The following TRARG1 variants were observed in gnomAD, a reference collection of about 807,000 sequenced individuals.
TRARG1 encodes the protein trafficking regulator of GLUT4 (SLC2A4) 1 (gene/pseudogene).
Under a neutral mutation model 13.3 loss-of-function variants are expected in TRARG1, and 16 were observed. That is an observed-to-expected ratio of 1.20 (90% confidence interval 0.81 to 1.83). The LOEUF is 1.83. Among genes scored for constraint, TRARG1 ranks in the 40% most tolerant of loss-of-function variants. TRARG1 has a pLI of 0.00. For synonymous variants in TRARG1, 113 were observed against 106.2 expected (o/e 1.06, Z -0.39); for missense variants, 250 against 237.4 (o/e 1.05, Z -0.35).
At position 1,280,276 on chromosome 17, in the gene TRARG1, C is replaced by A; in HGVS notation, c.275C>A (p.Thr92Asn). The change falls in exon 1 of 3, where the codon ACC becomes AAC. Residue 92 changes from threonine (T) to asparagine (N), a missense_variant. Thr to Asn is a moderately conservative substitution (Grantham distance 65, BLOSUM62 0). Transcript: ENST00000333813. ...AGGAGGGCGTCCTCCATCGCCACCA[C>A]CTCCTATGCCCAAGACCAAGAAGCC... ...SSRRASSIAT[T>N]SYAQDQEAPR... The A allele has an allele frequency of 6.2e-7, 1 of 1,614,102 alleles. No homozygotes were observed. Among genetic ancestry groups the A allele is most frequent in the Non-Finnish European group, 8.5e-7 (1 of 1,180,010 alleles).
chr17:1,295,685 G>A, intron 2 of TRARG1, 62 bp downstream of exon 2: 3 of 1,525,042 alleles, frequency 2.0e-6, no homozygotes, highest in South Asian at 2.5e-5. Flanking sequence ...CTGCTCAAGG[G>A]TGTACCCAGC....
At position 1,300,907 on chromosome 17, in the gene TRARG1, A is replaced by C. The variant is rs545075673; in HGVS notation, c.*2643A>C. 6.6e-6 allele frequency: 1 copy of C among 151,632 alleles called. No individual in the cohort carries two copies. Among genetic ancestry groups the C allele is most frequent in the African/African-American group, 2.4e-5 (1 of 41,210 alleles). 9.4% of individuals were successfully genotyped at this position (151,632 alleles called of 1,614,324 possible). On this transcript the variant is annotated 3_prime_UTR_variant, in exon 3 of 3. Transcript: ENST00000333813. ...CACAGGGAGTAGCAAGACCCACCCC[A>C]CACTGCCTTCACCATCTACACCAGT...
At chr17:1,297,494 A>G (rs4790832) in intron 2 of TRARG1, among the ~76,000 whole-genome samples, 150,732 of 152,128 alleles carry the variant, frequency 0.99, 74,679 homozygotes, top group East Asian at 1. Flanking sequence ...ATGCAGGTAC[A>G]TGCAAGGCAG....
At chr17:1,282,714 G>A (rs1246488380) in intron 1 of TRARG1, among the ~76,000 whole-genome samples, 2 of 151,496 alleles carry the variant, frequency 1.3e-5, no homozygotes, top group African/African-American at 2.4e-5. Flanking sequence ...ATTTGAAACG[G>A]AGCCTCGCTC....
At position 1,288,211 on chromosome 17, in the gene TRARG1, G is replaced by A. The variant is rs558764210; in HGVS notation, c.388-7280G>A. ...CTGAGCTCCTAAGAGCTGCCTCCAC[G>A]TGCTGTCTGAGCTTCATCCCCCACC... On this transcript the variant is annotated intron_variant, in intron 1 of 2. Transcript: ENST00000333813. Among the ~76,000 whole-genome samples the A allele has an allele frequency of 1.6e-4, 25 of 151,782 alleles. 1 individual carries two copies. The highest frequency in any genetic ancestry group is 2.1e-4 in the South Asian group (1 of 4,818).
chr17:1,298,208 G>A lies in TRARG1; in HGVS notation c.521-43G>A, dbSNP rs761763066. On this transcript the variant is annotated intron_variant, in intron 2 of 2. Coordinates refer to ENST00000333813, the MANE Select transcript of TRARG1 (RefSeq NM_172367.3). Reference sequence around the variant, plus strand: ...CCAGTCAGGGACTTGAAGAGCCAGTGTTCTGAGCCCTGTTCTGCCATATCT... The same window carrying A: ...CCAGTCAGGGACTTGAAGAGCCAGTATTCTGAGCCCTGTTCTGCCATATCT... 32 of 1,613,170 alleles carry A rather than the reference G, an allele frequency of 2.0e-5. No individual in the cohort carries two copies. The African/African-American group carries it at 3.9e-4, about 20-fold the overall frequency.
intron 1 of TRARG1, among the ~76,000 whole-genome samples, chr17:1,281,381 G>T (rs1447989525): frequency 1.3e-5 from 2 of 151,358 alleles, no homozygotes; most frequent in African/African-American, 4.9e-5. Flanking sequence ...GTGGAGGGGG[G>T]TTCCCAAGAG....
At chr17:1,288,396 C>T (rs1479820066) in intron 1 of TRARG1, among the ~76,000 whole-genome samples, 1 of 127,472 alleles carries the variant, frequency 7.8e-6, no homozygotes, top group Non-Finnish European at 1.7e-5. Context: ...CCTCATCCCC[C>T]ACAGGTTCCC....
chr17:1,283,929 G>A (rs1335449555), intron 1 of TRARG1, among the ~76,000 whole-genome samples: 2 of 151,892 alleles, frequency 1.3e-5, no homozygotes, highest in Non-Finnish European at 2.9e-5. Flanking sequence ...TGGCTAACAC[G>A]GTGAATCCCC....
At chr17:1,291,320 A>G (rs967884593) in intron 1 of TRARG1, among the ~76,000 whole-genome samples, 69 of 152,206 alleles carry the variant, frequency 4.5e-4, no homozygotes, top group African/African-American at 1.6e-3. Flanking sequence ...CATGTTGGCC[A>G]GGCTGGTCTT....
chr17:1,286,518 G>A (rs1461214082), intron 1 of TRARG1, among the ~76,000 whole-genome samples: 32 of 143,068 alleles, frequency 2.2e-4, no homozygotes, highest in Non-Finnish European at 4.1e-4. Flanking sequence ...GGGTGTTATC[G>A]GCCTGTGGGG....
intron 1 of TRARG1, 32 bp downstream of exon 1, chr17:1,280,420 G>GCAGGGT (rs772986098): frequency 8.5e-6 from 13 of 1,538,100 alleles, no homozygotes; most frequent in Non-Finnish European, 1.1e-5. Flanking sequence ...AGGGGCAGGG[G>GCAGGGT]CTGGGCCCAG....
chr17:1,280,237 C>T lies in TRARG1; in HGVS notation c.236C>T (p.Ser79Phe), dbSNP rs772183424. ...GAGGCCCCACTGCCTCGGTCCCCCT[C>T]CCGGGCCAGCTCAAGGAGGGCGTCC... ...HLEAPLPRSP[S>F]RASSRRASSI... Residue 79 changes from serine (S) to phenylalanine (F), a missense_variant, in exon 1 of 3, where the codon TCC becomes TTC. Ser to Phe is a radical substitution (Grantham distance 155). Transcript: ENST00000333813. 5 of 1,614,100 alleles carry T rather than the reference C, an allele frequency of 3.1e-6. No individual in the cohort carries two copies. The South Asian group carries it at 3.3e-5, about 11-fold the overall frequency.
Position 1,279,720 on chromosome 17 carries a change from G to T in TRARG1, c.-282G>T. On this transcript the variant is annotated 5_prime_UTR_variant, in exon 1 of 3. Coordinates refer to ENST00000333813, the MANE Select transcript of TRARG1 (RefSeq NM_172367.3). ...GCTTCCCTGCCCATCTGTGCTCTCA[G>T]CAGCACCAGCAAAGTTGGCCTCAAA... The T allele has an allele frequency of 2.3e-6, 1 of 437,682 alleles. No individual in the cohort carries two copies. 27.1% of individuals were successfully genotyped at this position (437,682 alleles called of 1,614,324 possible).
Position 1,298,579 on chromosome 17 carries a change from C to A in TRARG1, c.*315C>A. 1 of 364,158 alleles carries A rather than the reference C, an allele frequency of 2.7e-6. No individual in the cohort carries two copies. The highest frequency in any genetic ancestry group is 4.9e-6 in the Non-Finnish European group (1 of 203,576). 22.6% of individuals were successfully genotyped at this position (364,158 alleles called of 1,614,324 possible). ...CAATTTCCTGGGTTCCACCAAGCAG[C>A]GAAAACTGCCAGGATGAATGAGGAA... On this transcript the variant is annotated 3_prime_UTR_variant, in exon 3 of 3. Coordinates refer to ENST00000333813, the MANE Select transcript of TRARG1 (RefSeq NM_172367.3).
chr17:1,294,034 T>A (rs2072093562), intron 1 of TRARG1, among the ~76,000 whole-genome samples: 1 of 152,174 alleles, frequency 6.6e-6, no homozygotes, highest in African/African-American at 2.4e-5. Flanking sequence ...TTCATCACAC[T>A]TAACTGCATT....
intron 1 of TRARG1, among the ~76,000 whole-genome samples, chr17:1,285,683 C>G (rs1598189864): frequency 6.6e-6 from 1 of 151,960 alleles, no homozygotes; most frequent in East Asian, 1.9e-4. Context: ...TGCTACTGCA[C>G]TCCAGCCTGG....
chr17:1,280,385 C>A lies in TRARG1; in HGVS notation c.384C>A (p.Ile128=). 1 of 1,595,266 alleles carries A rather than the reference C, an allele frequency of 6.3e-7. No homozygotes were observed. Among genetic ancestry groups the A allele is most frequent in the Non-Finnish European group, 8.5e-7 (1 of 1,171,182 alleles). ...ACCTCATCCCCCTCATCATTTCCAT[C>A]ATGGTAAGTGCTGGTCTTTGTTCCA... ...PLNLIPLIIS[I]MSRSSMQQGN... is the part of the protein sequence containing the mutation. Residue 128 remains isoleucine (I), a synonymous_variant, in exon 1 of 3, where the codon ATC becomes ATA. Transcript: ENST00000333813.
At chr17:1,293,508 C>T (rs12945635) in intron 1 of TRARG1, among the ~76,000 whole-genome samples, 59,377 of 121,524 alleles carry the variant, frequency 0.49, 16,183 homozygotes, top group African/African-American at 0.64. Context: ...GTGGGTTGTG[C>T]TTGATGATGT....
Sources: allele counts gnomAD v4.1 joint callset (sites outside exome capture counted in the v4.1 genomes callset), GRCh38; gene constraint gnomAD v4.1.1; transcripts MANE v1.5; gene names NCBI Gene and HGNC (gene_info 2026-07-23, HGNC 2026-07-21).